The following OR10H3 variants were observed in gnomAD, a reference collection of about 807,000 sequenced individuals.
OR10H3 encodes olfactory receptor family 10 subfamily H member 3, also known as olfactory receptor 10H3.
A neutral mutation model predicts 11.1 loss-of-function variants in OR10H3; 15 were observed. The observed-to-expected ratio is 1.36, with a 90% CI of 0.91 to 2.09. The LOEUF (loss-of-function observed/expected upper bound fraction) is 2.09. Among genes scored for constraint, OR10H3 ranks in the 30% most tolerant of loss-of-function variants. The probability of loss-of-function intolerance (pLI) is 0.00; values close to 1 mark genes in which losing one functional copy is unlikely to be tolerated. For synonymous variants in OR10H3, 149 were observed against 142.1 expected, an observed-to-expected ratio of 1.05 and a Z score of -0.35; for missense variants, 403 against 391.5, an observed-to-expected ratio of 1.03 and a Z score of -0.25.
At chr19:15,741,193 G>A (rs1030513992) in intron 1 of OR10H3, among the ~76,000 whole-genome samples, 189 bp from the exon 2 acceptor site, 3 of 152,114 alleles carry the variant, frequency 2.0e-5, no homozygotes, top group Non-Finnish European at 2.9e-5. Flanking sequence ...TATTGATCTC[G>A]TTTGATCTTT....
rs2008694244 is a variant in OR10H3, at chr19:15,741,366, T to C, written c.-11-16T>C. 6.5e-7 allele frequency: 1 copy of C among 1,528,384 alleles called. No homozygotes were observed. The highest frequency in any genetic ancestry group is 9.0e-7 in the Non-Finnish European group (1 of 1,106,020). 94.7% of individuals were successfully genotyped at this position (1,528,384 alleles called of 1,614,324 possible). On this transcript the variant is annotated splice_polypyrimidine_tract_variant and intron_variant, in intron 1 of 1. Coordinates refer to ENST00000641646, the MANE Select transcript of OR10H3 (RefSeq NM_013938.2). ...TTTTAACCACTGTCACTTAATTTTG[T>C]TTCTGATCTCACCAGATACAGTATC...
rs763626340 is a variant in OR10H3 at position 15,741,663 on chromosome 19, C to A, written c.271C>A (p.Arg91Ser). The change falls in exon 2 of 2, where the codon CGT becomes AGT. Residue 91 changes from arginine to serine, a missense_variant. Transcript: ENST00000641646. ...RMLADLLFTH[R>S]SITFVACAIQ... ...GCTGGCTGATCTGCTCTTCACCCAT[C>A]GTTCCATCACCTTTGTGGCTTGTGC... 1.2e-6 allele frequency: 2 copies of A among 1,614,116 alleles called. No individual in the cohort carries two copies. The highest frequency in any genetic ancestry group is 8.5e-7 in the Non-Finnish European group (1 of 1,180,056).
In OR10H3 at chr19:15,737,986, T is replaced by A. The variant is rs1600056302; in HGVS notation, c.-77T>A. 6.6e-6 allele frequency: 1 copy of A among 152,662 alleles called. No homozygotes were observed. Among genetic ancestry groups the A allele is most frequent in the South Asian group, 2.0e-4 (1 of 5,120 alleles). The allele number at this position is 152,662 out of a possible 1,614,324, so 9.5% of individuals were successfully genotyped here. A position where few individuals can be genotyped will look rare whatever the true frequency, so the allele number is the denominator to read the frequency against. On this transcript the variant is annotated 5_prime_UTR_variant, in exon 1 of 2. Coordinates refer to ENST00000641646, the MANE Select transcript of OR10H3 (RefSeq NM_013938.2). Reference sequence around the variant, plus strand: ...GTCCTTAGATACCTTAGATAACTTGTTTCTTTCCCTTACCTTATACCATCA... The same window carrying A: ...GTCCTTAGATACCTTAGATAACTTGATTCTTTCCCTTACCTTATACCATCA...
At chr19:15,738,610 A>G (rs1386721070) in intron 1 of OR10H3, among the ~76,000 whole-genome samples, 2 of 151,542 alleles carry the variant, frequency 1.3e-5, no homozygotes, top group East Asian at 3.9e-4. Flanking sequence ...GTTTAATAGT[A>G]CTTACCGCAC....
intron 1 of OR10H3, among the ~76,000 whole-genome samples, chr19:15,740,307 A>G (rs1324395846): frequency 1.3e-5 from 2 of 152,168 alleles, no homozygotes; most frequent in Non-Finnish European, 2.9e-5. Flanking sequence ...AATATTACTC[A>G]TACGTAATCA....
chr19:15,739,827 C>A (rs1220992774), intron 1 of OR10H3, among the ~76,000 whole-genome samples: 2 of 151,988 alleles, frequency 1.3e-5, no homozygotes, highest in Admixed American at 1.3e-4. Context: ...TTGCTATGTT[C>A]TTTTAATGGG....
At chr19:15,738,824 C>T (rs1457441638) in intron 1 of OR10H3, among the ~76,000 whole-genome samples, 2 of 151,858 alleles carry the variant, frequency 1.3e-5, no homozygotes, top group Admixed American at 1.3e-4. Context: ...TTAAAAATAT[C>T]AATTATCTCT....
Position 15,741,474 on chromosome 19 carries a change from T to C in OR10H3, c.82T>C (p.Leu28=). ...SAFPQQLLPV[L]FLLYLLMFLF... is the part of the protein sequence containing the mutation. ...CTTCCCCCAGCAGCTCCTGCCTGTC[T>C]TGTTCCTGCTGTACCTCCTGATGTT... The change falls in exon 2 of 2, where the codon TTG becomes CTG. Residue 28 remains leucine (L), a synonymous_variant. Coordinates refer to ENST00000641646, the MANE Select transcript of OR10H3 (RefSeq NM_013938.2). 1 of 1,614,208 alleles carries C rather than the reference T, an allele frequency of 6.2e-7. No individual in the cohort carries two copies. Among genetic ancestry groups the C allele is most frequent in the Non-Finnish European group, 8.5e-7 (1 of 1,180,028 alleles).
In OR10H3 at chr19:15,741,619, T is replaced by A; in HGVS notation, c.227T>A (p.Val76Asp). ...ALSISEILFT[V>D]AITPRMLADL... The stretch of plus-strand genomic sequence containing the variant: ...TCCATCTCTGAGATTCTGTTCACTG[T>A]TGCCATCACCCCTCGCATGCTGGCT... Residue 76 changes from valine (V) to aspartate (D), a missense_variant, in exon 2 of 2, where the codon GTT becomes GAT. Val to Asp is a radical substitution (Grantham distance 152, BLOSUM62 -3). Transcript: ENST00000641646. 6.2e-7 allele frequency: 1 copy of A among 1,614,234 alleles called. No individual in the cohort carries two copies. The highest frequency in any genetic ancestry group is 8.5e-7 in the Non-Finnish European group (1 of 1,180,038).
chr19:15,741,398 T>C lies in OR10H3; in HGVS notation c.6T>C (p.Pro2=). The C allele has an allele frequency of 6.2e-7, 1 of 1,608,832 alleles. No homozygotes were observed. Among genetic ancestry groups the C allele is most frequent in the Non-Finnish European group, 8.5e-7 (1 of 1,175,304 alleles). The change falls in exon 2 of 2, where the codon CCT becomes CCC. Residue 2 remains proline (P), a synonymous_variant. Transcript: ENST00000641646. ...TCTCACCAGATACAGTATCCATGCC[T>C]GGTCAGAACTACAGAACCATATCTG... M[P]GQNYRTISEF...
In OR10H3 at chr19:15,742,071, A is replaced by G; in HGVS notation, c.679A>G (p.Ile227Val). ...CTCCTTTGTCTTCATTGTGGCTGCCATCTTGAGGATTCCTTCTGCTGAGGG... is the reference window on the plus strand; with the variant it reads ...CTCCTTTGTCTTCATTGTGGCTGCCGTCTTGAGGATTCCTTCTGCTGAGGG... ...ILSFVFIVAA[I>V]LRIPSAEGRH... The change falls in exon 2 of 2, where the codon ATC becomes GTC. Residue 227 changes from isoleucine to valine, a missense_variant. Transcript: ENST00000641646. The G allele has an allele frequency of 6.2e-7, 1 of 1,614,106 alleles. No homozygotes were observed. Among genetic ancestry groups the G allele is most frequent in the South Asian group, 1.1e-5 (1 of 91,084 alleles).
rs768749648 is a variant in OR10H3, at chr19:15,742,014, G to A, written c.622G>A (p.Ala208Thr). 6.2e-7 allele frequency: 1 copy of A among 1,614,198 alleles called. No homozygotes were observed. The highest frequency in any genetic ancestry group is 1.1e-5 in the South Asian group (1 of 91,084). Residue 208 changes from alanine to threonine, a missense_variant, in exon 2 of 2, where the codon GCC becomes ACC. Transcript: ENST00000641646. ...IMGVMLVCVT[A>T]LIGCLFLIIL... ...GGGTGTGATGCTGGTGTGTGTCACA[G>A]CCCTGATAGGCTGTTTGTTCCTCAT... is the stretch of plus-strand genomic sequence containing the variant.
intron 1 of OR10H3, among the ~76,000 whole-genome samples, chr19:15,740,596 C>A (rs2008686617): frequency 6.6e-6 from 1 of 152,194 alleles, no homozygotes; most frequent in African/African-American, 2.4e-5. Context: ...GGCATCTTTT[C>A]AATCTGGTAC....
chr19:15,740,173 C>A (rs2008682440), intron 1 of OR10H3, among the ~76,000 whole-genome samples: 1 of 151,934 alleles, frequency 6.6e-6, no homozygotes, highest in African/African-American at 2.4e-5. Flanking sequence ...TGAGAAGAAG[C>A]ATAACTTGAG....
At position 15,741,944 on chromosome 19, in the gene OR10H3, C is replaced by A; in HGVS notation, c.552C>A (p.Ser184=). ...VIHHFLCHVL[S]LLKLACGSKT... is the part of the protein sequence containing the mutation. ...ACCATTTTCTCTGTCATGTGCTTTCCCTCTTGAAGTTGGCCTGTGGGAGCA... is the reference window on the plus strand; with the variant it reads ...ACCATTTTCTCTGTCATGTGCTTTCACTCTTGAAGTTGGCCTGTGGGAGCA... Residue 184 remains serine (S), a synonymous_variant, in exon 2 of 2, where the codon TCC becomes TCA. Coordinates refer to ENST00000641646, the MANE Select transcript of OR10H3 (RefSeq NM_013938.2). 1.2e-6 allele frequency: 2 copies of A among 1,614,130 alleles called. No individual in the cohort carries two copies. Among genetic ancestry groups the A allele is most frequent in the South Asian group, 1.1e-5 (1 of 91,080 alleles).
rs765689776 is a variant in OR10H3, at chr19:15,742,213, C to T, written c.821C>T (p.Ala274Val). ...PKGLHSMYSDALMATTYTVFT... is the reference protein window; with the variant it reads ...PKGLHSMYSDVLMATTYTVFT... ...GGCCTCCATTCTATGTACAGTGATG[C>T]CTTGATGGCCACCACCTATACTGTC... The change falls in exon 2 of 2, where the codon GCC (alanine) becomes GTC (valine). Residue 274 changes from alanine to valine, a missense_variant. Ala to Val is a moderately conservative substitution (Grantham distance 64, BLOSUM62 0). Transcript: ENST00000641646. 11 of 1,613,942 alleles carry T rather than the reference C, an allele frequency of 6.8e-6. 1 individual carries two copies. The East Asian group carries it at 2.2e-4, about 33-fold the overall frequency.
Position 15,741,769 on chromosome 19 carries a change from C to A in OR10H3, c.377C>A (p.Thr126Asn), listed in dbSNP as rs760481422. The change falls in exon 2 of 2, where the codon ACC becomes AAC. Residue 126 changes from threonine to asparagine, a missense_variant. Thr to Asn is a moderately conservative substitution (Grantham distance 65). Coordinates refer to ENST00000641646, the MANE Select transcript of OR10H3 (RefSeq NM_013938.2). ...LMVMGYDHYVTICHPLHYNML... is the reference protein window; with the variant it reads ...LMVMGYDHYVNICHPLHYNML... The stretch of plus-strand genomic sequence containing the variant: ...GTCATGGGCTATGATCACTACGTGA[C>A]CATCTGCCACCCACTGCATTACAAC... The A allele has an allele frequency of 6.2e-7, 1 of 1,614,176 alleles. No homozygotes were observed. The highest frequency in any genetic ancestry group is 1.1e-5 in the South Asian group (1 of 91,084).
At chr19:15,740,661 T>C (rs2008687262) in intron 1 of OR10H3, among the ~76,000 whole-genome samples, 1 of 152,204 alleles carries the variant, frequency 6.6e-6, no homozygotes, top group Admixed American at 6.5e-5. Flanking sequence ...TTTACACTGG[T>C]AGAAGATGTC....
Position 15,741,787 on chromosome 19 carries a change from A to C in OR10H3, c.395A>C (p.His132Pro). 3.7e-6 allele frequency: 6 copies of C among 1,614,112 alleles called. No homozygotes were observed. Among genetic ancestry groups the C allele is most frequent in the South Asian group, 1.1e-5 (1 of 91,074 alleles). The part of the protein sequence containing the change: ...DHYVTICHPL[H>P]YNMLMSPRGC... ...TACGTGACCATCTGCCACCCACTGCATTACAACATGCTAATGAGTCCCCGT... is the reference window on the plus strand; with the variant it reads ...TACGTGACCATCTGCCACCCACTGCCTTACAACATGCTAATGAGTCCCCGT... Residue 132 changes from histidine to proline, a missense_variant, in exon 2 of 2, where the codon CAT becomes CCT. Transcript: ENST00000641646.
Sources: allele counts gnomAD v4.1 joint callset (sites outside exome capture counted in the v4.1 genomes callset), GRCh38; gene constraint gnomAD v4.1.1; transcripts MANE v1.5; gene names NCBI Gene and HGNC (gene_info 2026-07-23, HGNC 2026-07-21).